The following MYOM2 variants were observed in gnomAD, a reference collection of about 807,000 sequenced individuals.
The protein encoded by MYOM2 is myomesin-2.
A neutral mutation model predicts 187.6 loss-of-function variants in MYOM2; 254 were observed. The observed-to-expected ratio is 1.35, with a 90% CI of 1.22 to 1.50. The LOEUF is 1.50. MYOM2 is among the 40% of genes most tolerant of loss of function. The probability of loss-of-function intolerance (pLI) is 0.00; values close to 1 mark genes in which losing one functional copy is unlikely to be tolerated. For missense variants in MYOM2, 2,796 were observed against 1,924.0 expected (o/e 1.45, Z -8.48); for synonymous variants, 981 against 753.8 (o/e 1.30, Z -4.94).
intron 25 of MYOM2, 114 bp from the exon 26 acceptor site, chr8:2,115,846 C>T (rs918422624): frequency 1.6e-6 from 2 of 1,220,298 alleles, no homozygotes; most frequent in East Asian, 2.4e-5. Context: ...ATTTTGGTTT[C>T]TTCCTATCAT....
In MYOM2 at chr8:2,106,243, C is replaced by T. The variant is rs150756684; in HGVS notation, c.2736C>T (p.Gly912=). 8 of 1,613,934 alleles carry T rather than the reference C, an allele frequency of 5.0e-6. No individual in the cohort carries two copies. The highest frequency in any genetic ancestry group is 6.8e-6 in the Non-Finnish European group (8 of 1,179,906). Residue 912 remains glycine (G), a splice_region_variant and synonymous_variant, in exon 22 of 37, where the codon GGC becomes GGT. Coordinates refer to ENST00000262113, the MANE Select transcript of MYOM2 (RefSeq NM_003970.4). ...SEPVLVEARP[G]TKEISAGVDE... ...TCACTTCATACTCTTCTTATGCAGG[C>T]ACCAAGGAAATCAGTGCTGGTGTCG...
rs117165873 is a variant in MYOM2 at position 2,106,287 on chromosome 8, A to G, written c.2780A>G (p.Tyr927Cys). 4,988 of 1,614,182 alleles carry G rather than the reference A, an allele frequency of 3.1e-3. 10 individuals carry two copies. Among genetic ancestry groups the G allele is most frequent in the Non-Finnish European group, 3.8e-3 (4,539 of 1,180,024 alleles). The stretch of plus-strand genomic sequence containing the variant: ...GGTGTCGATGAACAAGGCAACATCT[A>G]TCTGGGCTTCGACTGCCAGGAAATG... The part of the protein sequence containing the change: ...SAGVDEQGNI[Y>C]LGFDCQEMTD... The change falls in exon 22 of 37, where the codon TAT becomes TGT. Residue 927 changes from tyrosine to cysteine, a missense_variant. Physicochemically the swap from Tyr to Cys is radical, Grantham distance 194. Coordinates refer to ENST00000262113, the MANE Select transcript of MYOM2 (RefSeq NM_003970.4).
At chr8:2,093,812 G>A (rs778542546) in intron 16 of MYOM2, among the ~76,000 whole-genome samples, 158 bp from the exon 17 acceptor site, 18 of 152,226 alleles carry the variant, frequency 1.2e-4, no homozygotes, top group Middle Eastern at 3.4e-3. Flanking sequence ...CCTTACTGTC[G>A]GACTCTACAT....
At position 2,143,314 on chromosome 8, in the gene MYOM2, C is replaced by G. The variant is rs1178001585; in HGVS notation, c.4025-87C>G. Reference sequence around the variant, plus strand: ...AGCATAAACTCCTCACCACATTCACCTTGGTACCCACTGCTGCTTACATGG... The same window carrying G: ...AGCATAAACTCCTCACCACATTCACGTTGGTACCCACTGCTGCTTACATGG... On this transcript the variant is annotated intron_variant, in intron 35 of 36. Coordinates refer to ENST00000262113, the MANE Select transcript of MYOM2 (RefSeq NM_003970.4). 2.7e-6 allele frequency: 4 copies of G among 1,459,576 alleles called. No homozygotes were observed. The Middle Eastern group carries it at 5.2e-4, about 190-fold the overall frequency. 90.4% of individuals were successfully genotyped at this position (1,459,576 alleles called of 1,614,324 possible).
rs199500275 is a variant in MYOM2 at position 2,078,974 on chromosome 8, C to G, written c.1462+41C>G. 3.2e-4 allele frequency: 503 copies of G among 1,592,902 alleles called. No individual in the cohort carries two copies. In the African/African-American group the frequency reaches 6.3e-3, roughly 20 times the overall value. On this transcript the variant is annotated intron_variant, in intron 12 of 36. Transcript: ENST00000262113. The stretch of plus-strand genomic sequence containing the variant: ...CTAAGTATCCACTGTGCCCAGGAAG[C>G]TTTGGCTGTTTTGTGTGTGATTTGT...
rs141317411 is a variant in MYOM2, at chr8:2,103,467, T to C, written c.2734+686T>C. 9.7e-4 allele frequency among the ~76,000 whole-genome samples: 145 copies of C among 148,958 alleles called. 1 individual carries two copies. The East Asian group carries it at 0.025, about 25-fold the overall frequency. On this transcript the variant is annotated intron_variant, in intron 21 of 36. Coordinates refer to ENST00000262113, the MANE Select transcript of MYOM2 (RefSeq NM_003970.4). ...TGGGAGAGTGTGCATGTGTTATGTG[T>C]ATATGTGTATGTATGGATGGGTATA...
At chr8:2,046,757 T>C (rs866274568) in intron 1 of MYOM2, among the ~76,000 whole-genome samples, 1 of 141,702 alleles carries the variant, frequency 7.1e-6, no homozygotes. Context: ...TTTTCTTTTT[T>C]TTTTTTTTGG....
chr8:2,063,990 G>C (rs1193860743), intron 6 of MYOM2, among the ~76,000 whole-genome samples: 1 of 152,366 alleles, frequency 6.6e-6, no homozygotes, highest in East Asian at 1.9e-4. Context: ...TTAGACTGGG[G>C]GTGAGCTGAG....
intron 29 of MYOM2, 74 bp from the exon 30 acceptor site, chr8:2,123,481 G>C (rs1797528419): frequency 1.7e-5 from 25 of 1,488,620 alleles, no homozygotes; most frequent in Non-Finnish European, 2.2e-5. Flanking sequence ...CAAAGAAAAT[G>C]TATTAGAGTT....
chr8:2,060,927 T>A (rs1467745129), intron 6 of MYOM2, among the ~76,000 whole-genome samples: 3 of 148,140 alleles, frequency 2.0e-5, no homozygotes, highest in Non-Finnish European at 4.5e-5. Flanking sequence ...GACCAAGGAG[T>A]AGGGTAGGGC....
At chr8:2,057,287 CG>C (rs1818697466) in intron 3 of MYOM2, 60 bp from the exon 4 acceptor site, 3 of 1,547,040 alleles carry the variant, frequency 1.9e-6, no homozygotes, top group Non-Finnish European at 2.6e-6. Flanking sequence ...TTCCGGCCTT[CG>C]GGGGCCACGT....
intron 25 of MYOM2, among the ~76,000 whole-genome samples, chr8:2,113,159 G>A (rs1445994749): frequency 3.9e-5 from 6 of 152,214 alleles, no homozygotes; most frequent in East Asian, 1.9e-4. Flanking sequence ...CCACACTCCC[G>A]TGATTCTACG....
In MYOM2 at chr8:2,069,297, G is replaced by A. The variant is rs867478502; in HGVS notation, c.673G>A (p.Ala225Thr). The A allele has an allele frequency of 6.2e-7, 1 of 1,612,984 alleles. No homozygotes were observed. Among genetic ancestry groups the A allele is most frequent in the East Asian group, 2.2e-5 (1 of 44,852 alleles). ...TCCAAGGGCAGACTTTGACGACACT[G>A]CGACATACTCAGCAGTGGCCACCAA... is the stretch of plus-strand genomic sequence containing the variant. ...EINRADFDDTATYSAVATNAH... is the reference protein window; with the variant it reads ...EINRADFDDTTTYSAVATNAH... Residue 225 changes from alanine (A) to threonine (T), a missense_variant, in exon 7 of 37, where the codon GCG (alanine) becomes ACG (threonine). Physicochemically the swap from Ala to Thr is moderately conservative, Grantham distance 58. Coordinates refer to ENST00000262113, the MANE Select transcript of MYOM2 (RefSeq NM_003970.4).
intron 21 of MYOM2, among the ~76,000 whole-genome samples, chr8:2,103,989 C>T (rs1796808944): frequency 6.6e-6 from 1 of 152,216 alleles, no homozygotes; most frequent in Admixed American, 6.5e-5. Flanking sequence ...ATGAAGTATG[C>T]AATTAAATCT....
Position 2,050,434 on chromosome 8 carries a change from A to C in MYOM2, c.-12-321A>C, listed in dbSNP as rs1818444461. On this transcript the variant is annotated intron_variant, in intron 1 of 36. Coordinates refer to ENST00000262113, the MANE Select transcript of MYOM2 (RefSeq NM_003970.4). ...TGCTTTAATTATTTTTGTACTTCCC[A>C]CTTATATTGCTTTGAACTTTGCCCT... Among the ~76,000 whole-genome samples, 3 of 152,214 alleles carry C rather than the reference A, an allele frequency of 2.0e-5. No homozygotes were observed. In the South Asian group the frequency reaches 6.2e-4, roughly 32 times the overall value.
chr8:2,084,484 G>T (rs1371798376), intron 13 of MYOM2, among the ~76,000 whole-genome samples: 2 of 152,138 alleles, frequency 1.3e-5, no homozygotes, highest in Non-Finnish European at 2.9e-5. Context: ...CTAATTGAAG[G>T]TTCATAATAT....
intron 17 of MYOM2, among the ~76,000 whole-genome samples, chr8:2,094,663 T>C (rs968549254): frequency 6.6e-6 from 1 of 152,126 alleles, no homozygotes; most frequent in Admixed American, 6.5e-5. Flanking sequence ...AAAATATATA[T>C]ATGCTGTAGG....
rs767177766 is a variant in MYOM2 at position 2,100,950 on chromosome 8, T to G, written c.2515T>G (p.Ser839Ala). ...LVMLWKAPVY[S>A]GSSPVSGYFV... Reference sequence around the variant, plus strand: ...CATGCTGTGGAAGGCCCCTGTGTACTCCGGCAGCAGCCCTGTTTCTGGATA... The same window carrying G: ...CATGCTGTGGAAGGCCCCTGTGTACGCCGGCAGCAGCCCTGTTTCTGGATA... Residue 839 changes from serine to alanine, a missense_variant, in exon 20 of 37, where the codon TCC becomes GCC. Coordinates refer to ENST00000262113, the MANE Select transcript of MYOM2 (RefSeq NM_003970.4). 2.5e-6 allele frequency: 4 copies of G among 1,614,180 alleles called. No homozygotes were observed. The South Asian group carries it at 4.4e-5, about 18-fold the overall frequency.
intron 8 of MYOM2, among the ~76,000 whole-genome samples, chr8:2,071,851 C>T (rs760758340): frequency 2.0e-5 from 3 of 152,134 alleles, no homozygotes; most frequent in Non-Finnish European, 2.9e-5. Context: ...GGTGTCCTCA[C>T]GTGGAAGGAA....
Sources: allele counts gnomAD v4.1 joint callset (sites outside exome capture counted in the v4.1 genomes callset), GRCh38; gene constraint gnomAD v4.1.1; transcripts MANE v1.5; gene names NCBI Gene and HGNC (gene_info 2026-07-23, HGNC 2026-07-21).